The following ARHGEF38 variants were observed in gnomAD, a reference collection of about 807,000 sequenced individuals.
The protein encoded by ARHGEF38 is Rho guanine nucleotide exchange factor (GEF) 38.
A neutral mutation model predicts 79.9 loss-of-function variants in ARHGEF38; 79 were observed. The ratio of observed to expected loss-of-function variants is 0.99; its 90% CI spans 0.82 to 1.19. The LOEUF (loss-of-function observed/expected upper bound fraction) is 1.19. Among genes scored for constraint, ARHGEF38 ranks in the 50% most tolerant of loss-of-function variants. The probability of loss-of-function intolerance (pLI) is 0.00; values close to 1 mark genes in which losing one functional copy is unlikely to be tolerated. For synonymous variants in ARHGEF38, 366 were observed against 328.3 expected (o/e 1.11, Z -1.24); for missense variants, 962 against 907.2 (o/e 1.06, Z -0.78).
Position 105,667,160 on chromosome 4 carries a change from G to A in ARHGEF38, c.1721G>A (p.Arg574His), listed in dbSNP as rs764616853. 2.6e-5 allele frequency: 40 copies of A among 1,533,856 alleles called. No individual in the cohort carries two copies. Among genetic ancestry groups the A allele is most frequent in the East Asian group, 7.3e-5 (3 of 40,856 alleles). Residue 574 changes from arginine (R) to histidine (H), a missense_variant, in exon 12 of 14, where the codon CGC becomes CAC. By Grantham distance (29) the Arg-to-His change is conservative. Coordinates refer to ENST00000420470, the MANE Select transcript of ARHGEF38 (RefSeq NM_001242729.2). ...PEMPHQTDIH[R>H]SKLLSTYSAE... ...ATGCCACATCAAACTGACATTCATC[G>A]CTCCAAACTTCTATCCACATATAGT...
rs115800922 is a variant in ARHGEF38, at chr4:105,590,597, C to G, written c.384+1162C>G. On this transcript the variant is annotated intron_variant, in intron 2 of 13. Transcript: ENST00000420470. ...TATGAGTACTAATATTTTTCAATAT[C>G]TGTCTACTATTACAGTGGTTGAGAT... 3.3e-3 allele frequency among the ~76,000 whole-genome samples: 509 copies of G among 152,180 alleles called. 6 individuals carry two copies. Among genetic ancestry groups the G allele is most frequent in the African/African-American group, 0.012 (483 of 41,510 alleles).
chr4:105,623,273 G>A (rs1728813860), intron 3 of ARHGEF38, among the ~76,000 whole-genome samples: 1 of 152,232 alleles, frequency 6.6e-6, no homozygotes, highest in Admixed American at 6.5e-5. Context: ...GGGTCCAGGA[G>A]GTGATTGTTG....
intron 10 of ARHGEF38, among the ~76,000 whole-genome samples, chr4:105,660,291 C>T (rs1730509697): frequency 6.6e-6 from 1 of 152,110 alleles, no homozygotes; most frequent in African/African-American, 2.4e-5. Context: ...AGTGCTTTCT[C>T]ATGCCAGTAA....
At chr4:105,555,613 C>T (rs2110386073) in intron 1 of ARHGEF38, among the ~76,000 whole-genome samples, 1 of 152,166 alleles carries the variant, frequency 6.6e-6, no homozygotes, top group Admixed American at 6.6e-5. Context: ...AGATAGATGG[C>T]CTAAAGCTCT....
At chr4:105,581,563 A>G (rs1441422074) in intron 1 of ARHGEF38, among the ~76,000 whole-genome samples, 2 of 151,978 alleles carry the variant, frequency 1.3e-5, no homozygotes, top group Non-Finnish European at 2.9e-5. Flanking sequence ...TCATTATACA[A>G]CTCAACTATT....
chr4:105,616,140 G>C (rs185719222), intron 3 of ARHGEF38, among the ~76,000 whole-genome samples: 2 of 152,274 alleles, frequency 1.3e-5, no homozygotes, highest in Non-Finnish European at 2.9e-5. Context: ...AGAGTGTCTA[G>C]AGGCTCTTGC....
chr4:105,567,220 G>C (rs1049622515), intron 1 of ARHGEF38, among the ~76,000 whole-genome samples: 2 of 152,122 alleles, frequency 1.3e-5, no homozygotes, highest in African/African-American at 4.8e-5. Context: ...TGGCTGAATA[G>C]TAAGTACTCC....
chr4:105,590,917 T>C (rs1002952998), intron 2 of ARHGEF38, among the ~76,000 whole-genome samples: 16 of 152,282 alleles, frequency 1.1e-4, no homozygotes, highest in Non-Finnish European at 2.4e-4. Flanking sequence ...TTTGCTGTTT[T>C]AAAAAATGAT....
At chr4:105,581,777 A>C (rs560889408) in intron 1 of ARHGEF38, among the ~76,000 whole-genome samples, 1 of 152,256 alleles carries the variant, frequency 6.6e-6, no homozygotes, top group African/African-American at 2.4e-5. Context: ...TCAGTAACTT[A>C]AGACTTTGTG....
intron 6 of ARHGEF38, among the ~76,000 whole-genome samples, chr4:105,647,800 T>C (rs538913713): frequency 6.0e-4 from 92 of 152,222 alleles, no homozygotes; most frequent in African/African-American, 2.2e-3. Flanking sequence ...GTTATTCAGC[T>C]TGCCCCAAAT....
At chr4:105,624,825 C>T (rs1457573306) in intron 3 of ARHGEF38, among the ~76,000 whole-genome samples, 1 of 152,182 alleles carries the variant, frequency 6.6e-6, no homozygotes, top group Non-Finnish European at 1.5e-5. Context: ...GGGGTGAAAG[C>T]TGCCAGGAAA....
At chr4:105,659,499 C>A in intron 10 of ARHGEF38, 134 bp downstream of exon 10, 3 of 912,690 alleles carry the variant, frequency 3.3e-6, no homozygotes, top group Non-Finnish European at 4.8e-6. Flanking sequence ...TTAACTAAAT[C>A]CAGTCAGATA....
chr4:105,609,436 A>G (rs1728191492), intron 2 of ARHGEF38, among the ~76,000 whole-genome samples: 1 of 152,056 alleles, frequency 6.6e-6, no homozygotes, highest in African/African-American at 2.4e-5. Flanking sequence ...ACTACTTAAC[A>G]TTGATAAAAG....
At chr4:105,648,207 T>C (rs532330832) in intron 6 of ARHGEF38, among the ~76,000 whole-genome samples, 1 of 152,190 alleles carries the variant, frequency 6.6e-6, no homozygotes, top group South Asian at 2.1e-4. Flanking sequence ...TTTCATTAGT[T>C]AGATCTTGAT....
At chr4:105,636,048 A>G (rs1364721385) in intron 4 of ARHGEF38, among the ~76,000 whole-genome samples, 1 of 152,108 alleles carries the variant, frequency 6.6e-6, no homozygotes, top group African/African-American at 2.4e-5. Context: ...TTTTTCCTCA[A>G]TCACTGAATG....
Position 105,677,830 on chromosome 4 carries a change from C to G in ARHGEF38, c.2227C>G (p.Leu743Val). Reference sequence around the variant, plus strand: ...TCAGGAATACCAGAGAGTTCATATACTCAGGTTTTGTGACCTAAGTGGCAA... The same window carrying G: ...TCAGGAATACCAGAGAGTTCATATAGTCAGGTTTTGTGACCTAAGTGGCAA... ...SLQEYQRVHI[L>V]RFCDLSGNKE... is the part of the protein sequence containing the mutation. The change falls in exon 14 of 14, where the codon CTC (leucine) becomes GTC (valine). Residue 743 changes from leucine to valine, a missense_variant. By Grantham distance (32) the Leu-to-Val change is conservative. Coordinates refer to ENST00000420470, the MANE Select transcript of ARHGEF38 (RefSeq NM_001242729.2). 2.6e-6 allele frequency: 4 copies of G among 1,535,540 alleles called. No individual in the cohort carries two copies. Among genetic ancestry groups the G allele is most frequent in the Non-Finnish European group, 3.5e-6 (4 of 1,146,402 alleles).
rs1167219591 is a variant in ARHGEF38 at position 105,590,135 on chromosome 4, GA to G, written c.384+708del. Among the ~76,000 whole-genome samples, 231 of 141,462 alleles carry G rather than the reference GA, an allele frequency of 1.6e-3. 2 individuals carry two copies. Among genetic ancestry groups the G allele is most frequent in the African/African-American group, 6.4e-3 (215 of 33,566 alleles). 92.8% of individuals were successfully genotyped at this position (141,462 alleles called of 152,430 possible). ...GGAAGGAAGGAAGGAAGGAAAGAAA[GA>G]AAAAAAAGAAAGAAAGAAAGAGAGA... On this transcript the variant is annotated intron_variant, in intron 2 of 13. Coordinates refer to ENST00000420470, the MANE Select transcript of ARHGEF38 (RefSeq NM_001242729.2).
At chr4:105,559,876 A>G (rs1268475373) in intron 1 of ARHGEF38, among the ~76,000 whole-genome samples, 1 of 152,140 alleles carries the variant, frequency 6.6e-6, no homozygotes, top group Non-Finnish European at 1.5e-5. Context: ...GCTAGGAGCT[A>G]TGCTAGCCAG....
chr4:105,621,858 G>A (rs531390787), intron 3 of ARHGEF38, among the ~76,000 whole-genome samples: 17 of 152,268 alleles, frequency 1.1e-4, no homozygotes, highest in African/African-American at 3.1e-4. Flanking sequence ...AGGTCAGTGC[G>A]GAGGTTTGGG....
Sources: gnomAD v4.1 joint callset for allele counts (sites outside exome capture counted in the v4.1 genomes callset) on GRCh38, gnomAD v4.1.1 for gene constraint, MANE v1.5 for transcripts, NCBI Gene and HGNC (gene_info 2026-07-23, HGNC 2026-07-21) for gene names.